The following PCGF3 variants were observed in gnomAD, a reference collection of about 807,000 sequenced individuals.
PCGF3 encodes polycomb group ring finger 3, also known as polycomb group RING finger protein 3.
A neutral mutation model predicts 33.1 loss-of-function variants in PCGF3; 7 were observed. That is an observed-to-expected ratio of 0.21 (90% CI 0.12 to 0.40). The LOEUF (loss-of-function observed/expected upper bound fraction) is 0.40, where lower values mean the gene tolerates loss of function less well. PCGF3 is among the 10% of genes least tolerant of loss of function. The pLI, the probability that PCGF3 is intolerant of heterozygous loss-of-function variation, is 1.00. For missense variants in PCGF3, 211 were observed against 313.3 expected, an observed-to-expected ratio of 0.67 and a Z score of 2.46; for synonymous variants, 153 against 121.3, an observed-to-expected ratio of 1.26 and a Z score of -1.72.
At chr4:765,167 C>G in intron 10 of PCGF3, 103 bp downstream of exon 10, 1 of 782,410 alleles carries the variant, frequency 1.3e-6, no homozygotes, top group Admixed American at 2.1e-5. Context: ...GGTGCAGTGG[C>G]TCATGCCTGT....
At chr4:731,386 G>A (rs546653090) in intron 3 of PCGF3, 110 of 389,280 alleles carry the variant, frequency 2.8e-4, no homozygotes, top group African/African-American at 1.8e-3. Flanking sequence ...CTGAGGAGCA[G>A]TGCTGCTTGG....
At chr4:740,948 G>A (rs1399442292) in intron 6 of PCGF3, among the ~76,000 whole-genome samples, 3 of 152,188 alleles carry the variant, frequency 2.0e-5, no homozygotes, top group African/African-American at 7.2e-5. Context: ...TTTTCATGAC[G>A]ACGTCAGAAC....
intron 1 of PCGF3, among the ~76,000 whole-genome samples, chr4:727,865 G>C (rs1743395057): frequency 6.6e-6 from 1 of 152,274 alleles, no homozygotes; most frequent in Non-Finnish European, 1.5e-5. Flanking sequence ...GTTGGAAAAA[G>C]GCTCCTTTTA....
intron 1 of PCGF3, among the ~76,000 whole-genome samples, chr4:711,698 C>T (rs1339798830): frequency 3.3e-5 from 5 of 151,280 alleles, no homozygotes; most frequent in Non-Finnish European, 5.9e-5. Context: ...ACCTCATGAT[C>T]CACCCGCCTC....
At chr4:735,498 A>G (rs2109619742) in intron 5 of PCGF3, among the ~76,000 whole-genome samples, 1 of 152,214 alleles carries the variant, frequency 6.6e-6, no homozygotes, top group African/African-American at 2.4e-5. Flanking sequence ...GTAAGCGGAG[A>G]TTGCGCCGTT....
chr4:740,218 A>G (rs1031891567), intron 6 of PCGF3, among the ~76,000 whole-genome samples: 13 of 152,144 alleles, frequency 8.5e-5, no homozygotes, highest in Non-Finnish European at 1.8e-4. Flanking sequence ...TTTGGAGGAG[A>G]CGCCAACACG....
At chr4:765,912 C>T in intron 10 of PCGF3, 120 bp from the exon 11 acceptor site, 2 of 846,724 alleles carry the variant, frequency 2.4e-6, no homozygotes, top group Admixed American at 1.8e-5. Flanking sequence ...GGTCTCTGTG[C>T]AGCCCTGCAT....
At chr4:750,625 A>G (rs1186486825) in intron 8 of PCGF3, among the ~76,000 whole-genome samples, 2 of 152,026 alleles carry the variant, frequency 1.3e-5, no homozygotes, top group Admixed American at 6.5e-5. Context: ...TTTGTGAGGC[A>G]CTTTGAGGTG....
chr4:716,969 G>T (rs1348431706), intron 1 of PCGF3, among the ~76,000 whole-genome samples: 12 of 126,826 alleles, frequency 9.5e-5, no homozygotes, highest in South Asian at 6.0e-4. Context: ...ACTGGGCGTC[G>T]GTGCTGGGAC....
chr4:743,360 G>A, intron 6 of PCGF3, 114 bp from the exon 7 acceptor site: 1 of 657,598 alleles, frequency 1.5e-6, no homozygotes, highest in South Asian at 1.8e-5. Flanking sequence ...CTTATTAGTA[G>A]CCTTCAAACT....
chr4:710,521 A>T (rs1489327166), intron 1 of PCGF3, among the ~76,000 whole-genome samples: 2 of 152,192 alleles, frequency 1.3e-5, no homozygotes, highest in Non-Finnish European at 2.9e-5. Context: ...GGCACCTCTC[A>T]GGGCACTGGA....
At chr4:767,847 A>G (rs550446730) in exon 11 of PCGF3, 2 of 152,644 alleles carry the variant, frequency 1.3e-5, no homozygotes, top group African/African-American at 4.8e-5. Context: ...GTATGAATAA[A>G]TATTACCTGT....
At chr4:765,879 C>T (rs930027595) in intron 10 of PCGF3, among the ~76,000 whole-genome samples, 153 bp from the exon 11 acceptor site, 2 of 152,200 alleles carry the variant, frequency 1.3e-5, no homozygotes, top group African/African-American at 4.8e-5. Flanking sequence ...TCTGGGGGAC[C>T]CTTCTGTTGC....
intron 9 of PCGF3, chr4:762,039 G>A (rs1345041596): frequency 2.0e-6 from 2 of 985,268 alleles, no homozygotes; most frequent in African/African-American, 3.5e-5. Context: ...AGGAGAGGCG[G>A]ACTGTGGTGG....
At chr4:748,064 TGAAAG>T (rs982109576) in intron 8 of PCGF3, among the ~76,000 whole-genome samples, 11 of 152,108 alleles carry the variant, frequency 7.2e-5, no homozygotes, top group African/African-American at 2.7e-4. Context: ...GGCAGTGTGT[TGAAAG>T]GAAAGTGAGA....
At chr4:729,390 G>C (rs894979620) in intron 1 of PCGF3, among the ~76,000 whole-genome samples, 12 of 151,678 alleles carry the variant, frequency 7.9e-5, no homozygotes, top group Non-Finnish European at 1.3e-4. Context: ...ACTGCAGCCT[G>C]GGTGGCAGAG....
intron 3 of PCGF3, 59 bp from the exon 4 acceptor site, chr4:733,613 C>T: frequency 6.5e-7 from 1 of 1,532,380 alleles, no homozygotes; most frequent in East Asian, 2.3e-5. Flanking sequence ...CAGAGCTCAG[C>T]CAAGGATGAA....
chr4:709,499 CAAAT>C (rs944322577), intron 1 of PCGF3, among the ~76,000 whole-genome samples: 19 of 152,120 alleles, frequency 1.2e-4, no homozygotes, highest in South Asian at 2.1e-4. Flanking sequence ...GATCCATGAA[CAAAT>C]GAATGAAAGG....
chr4:764,222 C>A (rs1399497330), intron 9 of PCGF3, among the ~76,000 whole-genome samples: 1 of 152,126 alleles, frequency 6.6e-6, no homozygotes, highest in African/African-American at 2.4e-5. Flanking sequence ...CAGGGGGGTT[C>A]CAAGGGGGAC....
Sources: allele counts gnomAD v4.1 joint callset (sites outside exome capture counted in the v4.1 genomes callset), GRCh38; gene constraint gnomAD v4.1.1; transcripts MANE v1.5; gene names NCBI Gene and HGNC (gene_info 2026-07-23, HGNC 2026-07-21).